Variants in ATRNL1 observed in about 807,000 individuals in gnomAD.
ATRNL1 encodes the protein attractin-like protein 1.
A neutral mutation model predicts 182.7 loss-of-function variants in ATRNL1; 95 were observed. The ratio of observed to expected loss-of-function variants is 0.52; its 90% CI spans 0.44 to 0.62. ATRNL1 has a LOEUF of 0.62. Among genes scored for constraint, ATRNL1 ranks in the 20% least tolerant of loss-of-function variants. The pLI, the probability that ATRNL1 is intolerant of heterozygous loss-of-function variation, is 0.00. For missense variants in ATRNL1, 1,471 were observed against 1,679.5 expected (o/e 0.88, Z 2.17); for synonymous variants, 576 against 568.3 (o/e 1.01, Z -0.19).
chr10:115,392,110 A>G (rs1352553872), intron 19 of ATRNL1, among the ~76,000 whole-genome samples: 1 of 152,156 alleles, frequency 6.6e-6, no homozygotes, highest in African/African-American at 2.4e-5. Flanking sequence ...CTTAAATTAG[A>G]TAGTTTAATT....
chr10:115,729,242 C>G (rs2804160), intron 27 of ATRNL1, among the ~76,000 whole-genome samples: 57,721 of 151,922 alleles, frequency 0.38, 12,047 homozygotes, highest in South Asian at 0.48. Flanking sequence ...TTGGTTCTTT[C>G]TTTATCATTG....
At chr10:115,323,932 G>A (rs1355056689) in intron 18 of ATRNL1, among the ~76,000 whole-genome samples, 1 of 151,392 alleles carries the variant, frequency 6.6e-6, no homozygotes, top group Non-Finnish European at 1.5e-5. Flanking sequence ...CGCCTGCCAC[G>A]ACGCCTGGCT....
At chr10:115,633,569 C>T (rs1203726068) in intron 26 of ATRNL1, among the ~76,000 whole-genome samples, 2 of 152,102 alleles carry the variant, frequency 1.3e-5, no homozygotes, top group Non-Finnish European at 2.9e-5. Context: ...ATCAGTAATA[C>T]TCATAGTTAC....
chr10:115,464,745 A>G (rs1419281230), intron 22 of ATRNL1, among the ~76,000 whole-genome samples: 2 of 151,878 alleles, frequency 1.3e-5, no homozygotes, highest in Non-Finnish European at 2.9e-5. Context: ...GACAATTTCA[A>G]AAGAAAATAA....
At chr10:115,582,629 TAGA>T (rs1415735939) in intron 26 of ATRNL1, among the ~76,000 whole-genome samples, 19 of 143,254 alleles carry the variant, frequency 1.3e-4, no homozygotes, top group Non-Finnish European at 2.0e-4. Flanking sequence ...GAGTTCATTG[TAGA>T]TTCTGGATAT....
chr10:115,551,025 G>A (rs782351733), intron 26 of ATRNL1, among the ~76,000 whole-genome samples: 12 of 151,622 alleles, frequency 7.9e-5, no homozygotes, highest in Non-Finnish European at 1.8e-4. Context: ...GCCATTAACT[G>A]GCAGCTGAAT....
chr10:115,370,367 A>T (rs111505558), intron 19 of ATRNL1, among the ~76,000 whole-genome samples: 15 of 152,336 alleles, frequency 9.8e-5, no homozygotes, highest in African/African-American at 3.6e-4. Context: ...GCTCAGAAGA[A>T]GACAGGGAAA....
chr10:115,108,486 G>T (rs1194439026), intron 1 of ATRNL1, among the ~76,000 whole-genome samples: 1 of 152,220 alleles, frequency 6.6e-6, no homozygotes, highest in African/African-American at 2.4e-5. Context: ...AGTCCAGTTT[G>T]AGGAGGCAGT....
Position 115,177,698 on chromosome 10 carries a change from C to T in ATRNL1, c.1348+6406C>T, listed in dbSNP as rs1847570633. Among the ~76,000 whole-genome samples the T allele has an allele frequency of 2.0e-5, 3 of 151,982 alleles. No homozygotes were observed. In the South Asian group the frequency reaches 6.2e-4, roughly 32 times the overall value. Reference sequence around the variant, plus strand: ...GGGGTTTCGCCATGCCTGTCTCGCACTCCTGACCTCAAGAGATCTGCCTGT... The same window carrying T: ...GGGGTTTCGCCATGCCTGTCTCGCATTCCTGACCTCAAGAGATCTGCCTGT... On this transcript the variant is annotated intron_variant, in intron 8 of 28. Transcript: ENST00000355044.
intron 11 of ATRNL1, among the ~76,000 whole-genome samples, chr10:115,266,482 A>G (rs1851614140): frequency 6.6e-6 from 1 of 151,622 alleles, no homozygotes; most frequent in Admixed American, 6.6e-5. Flanking sequence ...AATATTGTAT[A>G]TAATCATTGT....
chr10:115,508,295 C>T (rs1432285693), intron 24 of ATRNL1, among the ~76,000 whole-genome samples: 1 of 151,948 alleles, frequency 6.6e-6, no homozygotes, highest in Admixed American at 6.6e-5. Context: ...TCTCCATCTC[C>T]TTAGGCCTCC....
intron 9 of ATRNL1, among the ~76,000 whole-genome samples, 172 bp downstream of exon 9, chr10:115,216,052 C>T (rs1233523963): frequency 1.3e-5 from 2 of 152,134 alleles, no homozygotes; most frequent in African/African-American, 4.8e-5. Context: ...TCGATATCAT[C>T]TGTTCAGGGA....
intron 28 of ATRNL1, among the ~76,000 whole-genome samples, chr10:115,935,866 T>C (rs1953541042): frequency 2.0e-5 from 3 of 152,206 alleles, no homozygotes. Context: ...TCACTTTCGG[T>C]TATTTTTGCA....
intron 25 of ATRNL1, among the ~76,000 whole-genome samples, chr10:115,534,170 T>C (rs1851798610): frequency 6.6e-6 from 1 of 151,660 alleles, no homozygotes; most frequent in Non-Finnish European, 1.5e-5. Context: ...GTTGACTTTC[T>C]GTCTCGTTGA....
intron 18 of ATRNL1, among the ~76,000 whole-genome samples, chr10:115,323,625 G>T (rs1854709258): frequency 6.6e-6 from 1 of 151,594 alleles, no homozygotes; most frequent in Admixed American, 6.6e-5. Context: ...TGTATTTTTA[G>T]TAGAGACAGA....
intron 26 of ATRNL1, among the ~76,000 whole-genome samples, chr10:115,599,835 T>G (rs1856491246): frequency 6.6e-6 from 1 of 152,148 alleles, no homozygotes; most frequent in African/African-American, 2.4e-5. Flanking sequence ...TATAAAAATA[T>G]AACATATACA....
chr10:115,659,777 G>T (rs1317133101), intron 26 of ATRNL1, among the ~76,000 whole-genome samples: 1 of 152,018 alleles, frequency 6.6e-6, no homozygotes, highest in South Asian at 2.1e-4. Flanking sequence ...AATTAGACCC[G>T]CAGAGAGGGC....
chr10:115,245,310 C>T (rs1850581065), intron 10 of ATRNL1, among the ~76,000 whole-genome samples: 1 of 151,604 alleles, frequency 6.6e-6, no homozygotes, highest in African/African-American at 2.4e-5. Flanking sequence ...ACCAGCCTGA[C>T]CAACATGGAG....
At chr10:115,477,904 A>G (rs1236970750) in intron 24 of ATRNL1, among the ~76,000 whole-genome samples, 2 of 151,714 alleles carry the variant, frequency 1.3e-5, no homozygotes, top group African/African-American at 4.8e-5. Context: ...ATTTTCATCA[A>G]TGCCAATTCT....
Sources: allele counts gnomAD v4.1 joint callset (sites outside exome capture counted in the v4.1 genomes callset), GRCh38; gene constraint gnomAD v4.1.1; transcripts MANE v1.5; gene names NCBI Gene and HGNC (gene_info 2026-07-23, HGNC 2026-07-21).